TBL1Y: variants seen among roughly 807,000 people sequenced by gnomAD.
TBL1Y encodes the protein transducin beta like 1 Y-linked, also known as F-box-like/WD repeat-containing protein TBL1Y.
In TBL1Y, 15 loss-of-function variants were observed where a neutral mutation model predicts 12.0. The ratio of observed to expected loss-of-function variants is 1.25; its 90% CI spans 0.83 to 1.92. The LOEUF is 1.92. Among genes scored for constraint, TBL1Y ranks in the 40% most tolerant of loss-of-function variants. The pLI, the probability that TBL1Y is intolerant of heterozygous loss-of-function variation, is 0.00. For missense variants in TBL1Y, 148 were observed against 116.7 expected, an observed-to-expected ratio of 1.27 and a Z score of -1.24; for synonymous variants, 53 against 42.6, an observed-to-expected ratio of 1.24 and a Z score of -0.95.
chrY:6,954,845 A>G, intron 2 of TBL1Y, among the ~76,000 whole-genome samples: 1 of 33,561 alleles, frequency 3.0e-5, no homozygotes, highest in African/African-American at 1.2e-4. Flanking sequence ...AACAAAGTTT[A>G]TTTTCAAAGG....
intron 2 of TBL1Y, among the ~76,000 whole-genome samples, chrY:6,931,027 C>A: frequency 3.0e-5 from 1 of 33,108 alleles, no homozygotes; most frequent in Non-Finnish European, 7.4e-5. Context: ...TCTGAAGGAA[C>A]AAACTCTGGA....
At chrY:6,935,033 CT>C (rs1323925111) in intron 2 of TBL1Y, among the ~76,000 whole-genome samples, 19 of 28,011 alleles carry the variant, frequency 6.8e-4, no homozygotes, top group Non-Finnish European at 8.7e-4. Context: ...TTTTCTTTTT[CT>C]TTTTTTTTTT....
chrY:6,957,535 T>C, intron 2 of TBL1Y, among the ~76,000 whole-genome samples: 1 of 34,341 alleles, frequency 2.9e-5, no homozygotes, highest in Non-Finnish European at 7.3e-5. Flanking sequence ...AGATGTGTGG[T>C]GGCATTGTGA....
At chrY:6,952,298 T>C in intron 2 of TBL1Y, among the ~76,000 whole-genome samples, 1 of 32,773 alleles carries the variant, frequency 3.1e-5, no homozygotes, top group African/African-American at 1.2e-4. Context: ...CCATTATTAT[T>C]GTATGGGAGT....
At chrY:6,991,450 C>T (rs985263059) in intron 3 of TBL1Y, among the ~76,000 whole-genome samples, 2 of 33,369 alleles carry the variant, frequency 6.0e-5, no homozygotes, top group Non-Finnish European at 1.5e-4. Flanking sequence ...TCCACTTCAA[C>T]GGAGATGTAT....
At position 7,064,070 on chromosome Y, in the gene TBL1Y, A is replaced by G; in HGVS notation, c.378A>G (p.Pro126=). 2.5e-6 allele frequency: 1 copy of G among 398,434 alleles called. No homozygotes were observed. The highest frequency in any genetic ancestry group is 3.5e-6 in the Non-Finnish European group (1 of 283,407). ...TGGCAAAGGCGGCAACCATGACCCC[A>G]GCTGCTATTTCCCAGCAAAATCCTC... ...SAMAKAATMT[P]AAISQQNPPK... Residue 126 remains proline (P), a synonymous_variant, in exon 8 of 19, where the codon CCA becomes CCG. Coordinates refer to ENST00000383032, the MANE Select transcript of TBL1Y (RefSeq NM_033284.2).
intron 2 of TBL1Y, among the ~76,000 whole-genome samples, chrY:6,975,902 CGTGT>C (rs757704602): frequency 6.5e-4 from 18 of 27,613 alleles, no homozygotes; most frequent in South Asian, 1.7e-3. Flanking sequence ...GAATATACTT[CGTGT>C]GTGTGTGTGT....
At chrY:6,914,476 G>A in intron 2 of TBL1Y, among the ~76,000 whole-genome samples, 1 of 32,021 alleles carries the variant, frequency 3.1e-5, no homozygotes, top group Admixed American at 2.9e-4. Context: ...GATCACTTGA[G>A]GTCAGAAGTT....
intron 2 of TBL1Y, among the ~76,000 whole-genome samples, chrY:6,969,129 G>T: frequency 3.0e-5 from 1 of 33,244 alleles, no homozygotes; most frequent in Non-Finnish European, 7.4e-5. Flanking sequence ...TGGGTGTCCT[G>T]CTCCAAGCTG....
intron 4 of TBL1Y, among the ~76,000 whole-genome samples, chrY:7,004,218 CTGTT>C (rs2012470908): frequency 3.0e-5 from 1 of 33,573 alleles, no homozygotes; most frequent in Admixed American, 2.7e-4. Flanking sequence ...GATTCTGAAA[CTGTT>C]TGTAAGAAAT....
At position 6,924,102 on chromosome Y, in the gene TBL1Y, G is replaced by T. The variant is rs780957235; in HGVS notation, c.-266+11930G>T. 3.6e-4 allele frequency among the ~76,000 whole-genome samples: 12 copies of T among 33,420 alleles called. No individual in the cohort carries two copies. The East Asian group carries it at 7.9e-3, about 22-fold the overall frequency. 89.7% of individuals were successfully genotyped at this position (33,420 alleles called of 37,273 possible). ...CCCAAAGTGCTGACATTACAAGTGT[G>T]AGCTGCCACACTTGGACAACAAATA... is the stretch of plus-strand genomic sequence containing the variant. On this transcript the variant is annotated intron_variant, in intron 2 of 18. Coordinates refer to ENST00000383032, the MANE Select transcript of TBL1Y (RefSeq NM_033284.2).
chrY:7,015,967 A>T (rs542431405), intron 4 of TBL1Y, among the ~76,000 whole-genome samples: 3 of 33,537 alleles, frequency 8.9e-5, no homozygotes, highest in Admixed American at 2.7e-4. Flanking sequence ...GCTGGCTGAG[A>T]AGGCTGCTTG....
chrY:7,017,555 G>T (rs2012557405), intron 4 of TBL1Y, among the ~76,000 whole-genome samples: 1 of 33,915 alleles, frequency 2.9e-5, no homozygotes, highest in African/African-American at 1.1e-4. Context: ...TGAAAACATA[G>T]TATTAAAAAC....
chrY:7,078,338 G>A (rs2013073624), intron 13 of TBL1Y, among the ~76,000 whole-genome samples: 1 of 34,141 alleles, frequency 2.9e-5, no homozygotes, highest in African/African-American at 1.1e-4. Context: ...ATATAACTTG[G>A]CAAACAACAG....
chrY:7,071,760 A>G lies in TBL1Y; in HGVS notation c.824A>G (p.His275Arg). The G allele has an allele frequency of 2.5e-6, 1 of 398,366 alleles. No homozygotes were observed. The highest frequency in any genetic ancestry group is 3.5e-6 in the Non-Finnish European group (1 of 283,360). The change falls in exon 12 of 19, where the codon CAT becomes CGT. Residue 275 changes from histidine (H) to arginine (R), a missense_variant. Coordinates refer to ENST00000383032, the MANE Select transcript of TBL1Y (RefSeq NM_033284.2). ...NGNLASTLGQ[H>R]KGPIFALKWN... ...AACCTGGCCAGCACCTTAGGCCAACATAAAGGCCCCATCTTCGCTCTGAAA... is the reference window on the plus strand; with the variant it reads ...AACCTGGCCAGCACCTTAGGCCAACGTAAAGGCCCCATCTTCGCTCTGAAA...
intron 7 of TBL1Y, among the ~76,000 whole-genome samples, chrY:7,062,977 C>T (rs2012894239): frequency 6.0e-5 from 2 of 33,599 alleles, no homozygotes; most frequent in Admixed American, 2.6e-4. Flanking sequence ...GTAATCGCCA[C>T]AGTATGTGAG....
At chrY:6,961,172 A>C in intron 2 of TBL1Y, among the ~76,000 whole-genome samples, 2 of 33,587 alleles carry the variant, frequency 6.0e-5, no homozygotes, top group Non-Finnish European at 1.5e-4. Flanking sequence ...CAGTAAGTAT[A>C]GTTAGCTGTA....
intron 2 of TBL1Y, among the ~76,000 whole-genome samples, chrY:6,975,902 C>CGTGT (rs757704602): frequency 4.7e-4 from 13 of 27,617 alleles, no homozygotes; most frequent in Non-Finnish European, 7.0e-4. Context: ...GAATATACTT[C>CGTGT]GTGTGTGTGT....
chrY:6,982,733 A>G, intron 3 of TBL1Y, among the ~76,000 whole-genome samples: 2 of 33,824 alleles, frequency 5.9e-5, no homozygotes, highest in East Asian at 1.6e-3. Flanking sequence ...TAGAGCAGGT[A>G]CTGGCCTATG....
Sources: allele counts gnomAD v4.1 joint callset (sites outside exome capture counted in the v4.1 genomes callset), GRCh38; gene constraint gnomAD v4.1.1; transcripts MANE v1.5; gene names NCBI Gene and HGNC (gene_info 2026-07-23, HGNC 2026-07-21).